The following ARHGAP39 variants were observed in gnomAD, a reference collection of about 807,000 sequenced individuals.
ARHGAP39 encodes Rho GTPase activating protein 39.
In ARHGAP39, 44 loss-of-function variants were observed where a neutral mutation model predicts 106.9. The ratio of observed to expected loss-of-function variants is 0.41; its 90% CI spans 0.32 to 0.53. The LOEUF is 0.53. ARHGAP39 is among the 20% of genes least tolerant of loss of function. The probability of loss-of-function intolerance (pLI) is 0.21; values close to 1 mark genes in which losing one functional copy is unlikely to be tolerated. For synonymous variants in ARHGAP39, 768 were observed against 693.2 expected, an observed-to-expected ratio of 1.11 and a Z score of -1.69; for missense variants, 1,496 against 1,577.3, an observed-to-expected ratio of 0.95 and a Z score of 0.87.
intron 1 of ARHGAP39, among the ~76,000 whole-genome samples, chr8:144,610,892 C>T (rs1047839186): frequency 1.3e-5 from 2 of 152,092 alleles, no homozygotes; most frequent in Non-Finnish European, 2.9e-5. Context: ...TCTTGGCTTG[C>T]TGCAACCTCC....
chr8:144,617,629 G>A (rs1313827606), intron 1 of ARHGAP39, among the ~76,000 whole-genome samples: 4 of 150,650 alleles, frequency 2.7e-5, no homozygotes, highest in Non-Finnish European at 4.4e-5. Flanking sequence ...TCTGCCAGCC[G>A]CACCCGCTCT....
At chr8:144,696,010 G>C in the ARHGAP39 span, among the ~76,000 whole-genome samples, 1 of 152,168 alleles carries the variant, frequency 6.6e-6, no homozygotes, top group Non-Finnish European at 1.5e-5. Flanking sequence ...CCAAGGCTAG[G>C]TGATTAAAGG....
In ARHGAP39 at chr8:144,529,191, G is replaced by A. The variant is rs745405372; in HGVS notation, c.*1231C>T. The A allele has an allele frequency of 1.4e-3, 525 of 366,702 alleles. No homozygotes were observed. The highest frequency in any genetic ancestry group is 3.4e-3 in the Admixed American group (68 of 20,260). 22.7% of individuals were successfully genotyped at this position (366,702 alleles called of 1,614,324 possible). Reference sequence around the variant, plus strand: ...ACGGGAGGACGCGCAGGGTCCATGTGCACTTTATTCACTCGTGTCGTCGCC... The same window carrying A: ...ACGGGAGGACGCGCAGGGTCCATGTACACTTTATTCACTCGTGTCGTCGCC... On this transcript the variant is annotated 3_prime_UTR_variant, in exon 12 of 12. Transcript: ENST00000377307.
At chr8:144,668,910 T>A (rs1421677137) in intron 1 of ARHGAP39, among the ~76,000 whole-genome samples, 1 of 152,174 alleles carries the variant, frequency 6.6e-6, no homozygotes, top group African/African-American at 2.4e-5. Flanking sequence ...CCTTCTGACT[T>A]GAAACTTCTC....
intron 1 of ARHGAP39, among the ~76,000 whole-genome samples, chr8:144,666,122 T>C (rs943166768): frequency 1.3e-5 from 2 of 152,236 alleles, no homozygotes; most frequent in African/African-American, 4.8e-5. Context: ...AAAATTTGAC[T>C]GCCCTGCTGG....
At chr8:144,680,863 AG>A (rs575901819) in intron 1 of ARHGAP39, among the ~76,000 whole-genome samples, 2 of 152,154 alleles carry the variant, frequency 1.3e-5, no homozygotes, top group African/African-American at 4.8e-5. Context: ...TTATCAATGG[AG>A]GGGGGTGCTA....
At chr8:144,589,450 G>A (rs911208387) in intron 2 of ARHGAP39, among the ~76,000 whole-genome samples, 1 of 152,132 alleles carries the variant, frequency 6.6e-6, no homozygotes, top group East Asian at 1.9e-4. Context: ...CTGGGAGGAC[G>A]AACTCCTCTG....
intron 1 of ARHGAP39, among the ~76,000 whole-genome samples, chr8:144,642,184 C>T (rs1387767876): frequency 6.6e-6 from 1 of 152,118 alleles, no homozygotes; most frequent in Non-Finnish European, 1.5e-5. Context: ...AAAATCAAAA[C>T]AAACAAAGAT....
chr8:144,530,609 A>ACGAAGACCTGGTGGAGGAG lies in ARHGAP39; in HGVS notation c.3151-12_3157dup (p.Val1053AlafsTer125). The stretch of plus-strand genomic sequence containing the variant: ...GGTGACCGCGACGTTGGCCGGCTGC[A>ACGAAGACCTGGTGGAGGAG]CGAAGACCTGGTGGAGGAGCGAGGG... On this transcript the variant is annotated frameshift_variant, in exon 12 of 12. Coordinates refer to ENST00000377307, the MANE Select transcript of ARHGAP39 (RefSeq NM_025251.3). LOFTEE classifies it high-confidence loss of function. The ACGAAGACCTGGTGGAGGAG allele has an allele frequency of 6.6e-7, 1 of 1,509,754 alleles. No homozygotes were observed. The highest frequency in any genetic ancestry group is 1.1e-5 in the South Asian group (1 of 88,948). 93.5% of individuals were successfully genotyped at this position (1,509,754 alleles called of 1,614,324 possible).
intron 4 of ARHGAP39, among the ~76,000 whole-genome samples, chr8:144,553,838 G>T (rs913225390): frequency 6.6e-6 from 1 of 152,186 alleles, no homozygotes; most frequent in East Asian, 1.9e-4. Context: ...CAACGCAGCG[G>T]CAAGGCCTCT....
intron 1 of ARHGAP39, among the ~76,000 whole-genome samples, chr8:144,653,692 G>A (rs1821627906): frequency 6.6e-6 from 1 of 152,170 alleles, no homozygotes; most frequent in Non-Finnish European, 1.5e-5. Context: ...CCACAGCTCG[G>A]GTCATGACAG....
intron 1 of ARHGAP39, among the ~76,000 whole-genome samples, chr8:144,669,400 A>G (rs11989059): frequency 7.1e-4 from 102 of 143,084 alleles, no homozygotes; most frequent in African/African-American, 2.7e-3. Flanking sequence ...CCAGCTATTC[A>G]GGAGGCTGAG....
At chr8:144,697,706 G>A in the ARHGAP39 span, among the ~76,000 whole-genome samples, 1 of 151,976 alleles carries the variant, frequency 6.6e-6, no homozygotes, top group Non-Finnish European at 1.5e-5. Context: ...TGGCCAGGCT[G>A]GTCTCGAACT....
chr8:144,615,307 G>C (rs561913366), intron 1 of ARHGAP39, among the ~76,000 whole-genome samples: 1 of 152,006 alleles, frequency 6.6e-6, no homozygotes, highest in East Asian at 1.9e-4. Context: ...GCAACAAAGT[G>C]AGACCCCCTT....
At chr8:144,538,404 A>T (rs1297104619) in intron 6 of ARHGAP39, among the ~76,000 whole-genome samples, 1 of 151,890 alleles carries the variant, frequency 6.6e-6, no homozygotes, top group Non-Finnish European at 1.5e-5. Context: ...TCCGTGCCAC[A>T]CTCTGTAGGA....
At chr8:144,533,988 C>T (rs1190843583) in intron 8 of ARHGAP39, 141 bp downstream of exon 8, 18 of 946,916 alleles carry the variant, frequency 1.9e-5, no homozygotes, top group East Asian at 5.0e-5. Context: ...TAGCGTACCC[C>T]GCCACCCGCC....
At chr8:144,628,846 G>A (rs1820990428) in intron 1 of ARHGAP39, among the ~76,000 whole-genome samples, 1 of 152,210 alleles carries the variant, frequency 6.6e-6, no homozygotes, top group African/African-American at 2.4e-5. Context: ...TGTCACCGCT[G>A]TGCCTGGGCG....
intron 1 of ARHGAP39, among the ~76,000 whole-genome samples, chr8:144,674,896 T>C (rs965109360): frequency 3.3e-5 from 5 of 152,140 alleles, no homozygotes; most frequent in South Asian, 2.1e-4. Flanking sequence ...TGTTCCAAAA[T>C]TGACGTGGGG....
intron 1 of ARHGAP39, among the ~76,000 whole-genome samples, chr8:144,648,032 GCA>G (rs1420928119): frequency 6.6e-6 from 1 of 152,120 alleles, no homozygotes; most frequent in African/African-American, 2.4e-5. Flanking sequence ...CTCACTCCTG[GCA>G]CACACAATGG....
Sources: allele counts gnomAD v4.1 joint callset (sites outside exome capture counted in the v4.1 genomes callset), GRCh38; gene constraint gnomAD v4.1.1; transcripts MANE v1.5; gene names NCBI Gene and HGNC (gene_info 2026-07-23, HGNC 2026-07-21).